The following C19orf47 variants were observed in gnomAD, a reference collection of about 807,000 sequenced individuals.
C19orf47 encodes uncharacterized protein C19orf47.
Under a neutral mutation model 32.3 loss-of-function variants are expected in C19orf47, and 18 were observed. That is an observed-to-expected ratio of 0.56 (90% confidence interval 0.39 to 0.83). The LOEUF is 0.83. C19orf47 is among the 40% of genes least tolerant of loss of function. C19orf47 has a pLI of 0.00. For missense variants in C19orf47, 484 were observed against 531.6 expected (o/e 0.91, Z 0.88); for synonymous variants, 202 against 211.1 (o/e 0.96, Z 0.37).
At chr19:40,295,226 T>C in the C19orf47 span, among the ~76,000 whole-genome samples, 1 of 152,194 alleles carries the variant, frequency 6.6e-6, no homozygotes, top group East Asian at 1.9e-4. Flanking sequence ...TTTACCATGT[T>C]GGCCAGGCTG....
intron 7 of C19orf47, among the ~76,000 whole-genome samples, chr19:40,325,099 G>T (rs974047332): frequency 6.6e-6 from 1 of 150,444 alleles, no homozygotes; most frequent in Non-Finnish European, 1.5e-5. Context: ...ATGAAACCCC[G>T]TCTCTACTAA....
chr19:40,312,241 T>C, the C19orf47 span, among the ~76,000 whole-genome samples: 10 of 152,004 alleles, frequency 6.6e-5, no homozygotes, highest in Admixed American at 5.9e-4. Flanking sequence ...TGGCTTCCAA[T>C]GCTAGGTTAG....
chr19:40,324,206 G>C, intron 7 of C19orf47, 130 bp from the exon 8 acceptor site: 1 of 875,054 alleles, frequency 1.1e-6, no homozygotes, highest in South Asian at 1.4e-5. Flanking sequence ...TGCTGAGTTG[G>C]GTGTTATGTC....
At chr19:40,328,685 G>T in intron 5 of C19orf47, 135 bp from the exon 6 acceptor site, 2 of 1,188,226 alleles carry the variant, frequency 1.7e-6, no homozygotes, top group Non-Finnish European at 2.3e-6. Flanking sequence ...CCCTGTAACT[G>T]CATGGTACTC....
chr19:40,298,296 T>G, the C19orf47 span, among the ~76,000 whole-genome samples: 1 of 145,582 alleles, frequency 6.9e-6, no homozygotes, highest in African/African-American at 2.5e-5. Context: ...AGTGAAACAT[T>G]GTCTCAAAAA....
At chr19:40,314,538 C>T (rs1004223658), downstream of C19orf47, among the ~76,000 whole-genome samples, 3 of 152,152 alleles carry the variant, frequency 2.0e-5, no homozygotes. Context: ...AAGAAAGTAA[C>T]GTTGGATGAT....
chr19:40,315,832 C>T (rs1294897438), downstream of C19orf47, among the ~76,000 whole-genome samples: 1 of 151,704 alleles, frequency 6.6e-6, no homozygotes, highest in Non-Finnish European at 1.5e-5. Flanking sequence ...GTGGCAGGTG[C>T]CCGTAGCCCC....
intron 8 of C19orf47, among the ~76,000 whole-genome samples, chr19:40,323,125 C>T (rs2077756037): frequency 6.6e-6 from 1 of 152,206 alleles, no homozygotes; most frequent in South Asian, 2.1e-4. Context: ...CTGGAACTTC[C>T]AGCCACATGA....
the C19orf47 span, among the ~76,000 whole-genome samples, chr19:40,294,933 G>A: frequency 3.3e-5 from 5 of 152,174 alleles, no homozygotes; most frequent in Admixed American, 6.5e-5. Context: ...GTGCTTGCCC[G>A]GTGTCACAGA....
chr19:40,322,384 G>A lies in C19orf47; in HGVS notation c.664-8C>T. The A allele has an allele frequency of 1.3e-6, 2 of 1,560,096 alleles. No homozygotes were observed. The highest frequency in any genetic ancestry group is 1.7e-6 in the Non-Finnish European group (2 of 1,150,832). On this transcript the variant is annotated splice_polypyrimidine_tract_variant and splice_region_variant and intron_variant, in intron 8 of 8. Coordinates refer to ENST00000683109, the MANE Select transcript of C19orf47 (RefSeq NM_001256441.2). ...GCTGAAGACTCCTGTGGGCTGTGGA[G>A]GTCAGAGACAGGATGAATGAGTCAC...
chr19:40,310,946 A>G, the C19orf47 span, among the ~76,000 whole-genome samples: 1 of 152,166 alleles, frequency 6.6e-6, no homozygotes, highest in South Asian at 2.1e-4. Flanking sequence ...CCCAGTTTTA[A>G]AAACCATTAC....
rs374310949 is a variant in C19orf47, at chr19:40,338,380, T to C, written c.20-1973A>G. Among the ~76,000 whole-genome samples, 117 of 149,820 alleles carry C rather than the reference T, an allele frequency of 7.8e-4. 1 individual carries two copies. In the East Asian group the frequency reaches 0.019, roughly 24 times the overall value. ...ACACACACAAATACATATATATATATACACATATATATATATTTCTTTTTA... is the reference window on the plus strand; with the variant it reads ...ACACACACAAATACATATATATATACACACATATATATATATTTCTTTTTA... On this transcript the variant is annotated intron_variant, in intron 2 of 8. Transcript: ENST00000683109.
intron 7 of C19orf47, 30 bp from the exon 8 acceptor site, chr19:40,324,106 G>T: frequency 6.2e-7 from 1 of 1,611,320 alleles, no homozygotes. Flanking sequence ...ATCAGGGAGA[G>T]GCCCCGGTGG....
chr19:40,294,177 A>T, the C19orf47 span, among the ~76,000 whole-genome samples: 1 of 152,100 alleles, frequency 6.6e-6, no homozygotes, highest in Non-Finnish European at 1.5e-5. Context: ...CTGGTGCCCA[A>T]CGTGGGGCAT....
Position 40,321,636 on chromosome 19 carries a change from C to T in C19orf47, c.*246G>A. On this transcript the variant is annotated 3_prime_UTR_variant, in exon 9 of 9. Transcript: ENST00000683109. ...AAAGTGGGTTCTGCCAAGGCCACAG[C>T]CAGAGAAGAAAGCACAGAGGACATG... is the stretch of plus-strand genomic sequence containing the variant. 1 of 1,310,048 alleles carries T rather than the reference C, an allele frequency of 7.6e-7. No homozygotes were observed. Among genetic ancestry groups the T allele is most frequent in the Non-Finnish European group, 9.7e-7 (1 of 1,032,248 alleles). 81.2% of individuals were successfully genotyped at this position (1,310,048 alleles called of 1,614,324 possible).
chr19:40,344,915 T>G (rs749015471), intron 1 of C19orf47, among the ~76,000 whole-genome samples: 25 of 152,142 alleles, frequency 1.6e-4, no homozygotes, highest in Non-Finnish European at 3.4e-4. Context: ...CTGGGCACAG[T>G]GGCTCAGGCC....
At chr19:40,327,334 T>C (rs1477071476) in intron 6 of C19orf47, among the ~76,000 whole-genome samples, 5 of 148,282 alleles carry the variant, frequency 3.4e-5, no homozygotes, top group Non-Finnish European at 7.5e-5. Context: ...TTTTTTTAAA[T>C]GTAGAGACAG....
chr19:40,348,508 T>C, upstream of C19orf47: 1 of 1,491,684 alleles, frequency 6.7e-7, no homozygotes, highest in Non-Finnish European at 8.9e-7. Context: ...AGTGCGGCCA[T>C]AACCATCACG....
chr19:40,302,571 A>G, the C19orf47 span, among the ~76,000 whole-genome samples: 1 of 152,208 alleles, frequency 6.6e-6, no homozygotes, highest in African/African-American at 2.4e-5. Context: ...GATTACAGGC[A>G]TGAGCCACCA....
Sources: allele counts gnomAD v4.1 joint callset (sites outside exome capture counted in the v4.1 genomes callset), GRCh38; gene constraint gnomAD v4.1.1; transcripts MANE v1.5; gene names NCBI Gene and HGNC (gene_info 2026-07-23, HGNC 2026-07-21).